Variants in ZFR observed in about 807,000 individuals in gnomAD.
ZFR encodes zinc finger RNA binding protein.
In ZFR, 19 loss-of-function variants were observed where a neutral mutation model predicts 130.7. That is an observed-to-expected ratio of 0.15 (90% confidence interval 0.10 to 0.21). The LOEUF (loss-of-function observed/expected upper bound fraction) is 0.21. ZFR is among the 10% of genes least tolerant of loss of function. The pLI is 1.00. For synonymous variants in ZFR, 466 were observed against 456.9 expected (o/e 1.02, Z -0.25); for missense variants, 872 against 1,321.5 (o/e 0.66, Z 5.27).
At chr5:32,413,092 G>C (rs1365743423) in intron 5 of ZFR, among the ~76,000 whole-genome samples, 1 of 152,146 alleles carries the variant, frequency 6.6e-6, no homozygotes, top group East Asian at 1.9e-4. Context: ...GGGAGGCTGA[G>C]GCAGGAGAAT....
At chr5:32,407,588 T>C (rs1190344188) in intron 5 of ZFR, among the ~76,000 whole-genome samples, 4 of 152,012 alleles carry the variant, frequency 2.6e-5, no homozygotes, top group Non-Finnish European at 5.9e-5. Flanking sequence ...TGACAGATGC[T>C]AGTCTGGGGA....
intron 19 of ZFR, among the ~76,000 whole-genome samples, chr5:32,362,370 A>AT (rs1752452957): frequency 6.6e-6 from 1 of 152,220 alleles, no homozygotes; most frequent in Non-Finnish European, 1.5e-5. Context: ...GAATAAAGGT[A>AT]GACACTGTGG....
intron 19 of ZFR, among the ~76,000 whole-genome samples, chr5:32,362,748 G>A (rs983973055): frequency 9.2e-5 from 14 of 152,108 alleles, no homozygotes; most frequent in South Asian, 2.1e-4. Flanking sequence ...TGTGTAACTC[G>A]TTCACTTTTA....
chr5:32,383,842 A>G (rs1752982993), intron 15 of ZFR: 1 of 456,236 alleles, frequency 2.2e-6, no homozygotes, highest in Non-Finnish European at 4.4e-6. Context: ...AGCAAGGAAC[A>G]CTATCAGTGT....
In ZFR at chr5:32,355,565, ATT is replaced by A. The variant is rs377173878; in HGVS notation, c.*193_*194del. 2.9e-4 allele frequency: 104 copies of A among 357,146 alleles called. No individual in the cohort carries two copies. The highest frequency in any genetic ancestry group is 4.3e-4 in the African/African-American group (20 of 46,088). 22.1% of individuals were successfully genotyped at this position (357,146 alleles called of 1,614,324 possible). On this transcript the variant is annotated 3_prime_UTR_variant, in exon 20 of 20. Coordinates refer to ENST00000265069, the MANE Select transcript of ZFR (RefSeq NM_016107.5). ...ACTGTTTTCCCCCTAGTCGGAGCAC[ATT>A]TTTTTTTTTGGGTGTCTTTCCATTC...
At chr5:32,395,898 A>G (rs1753295328) in intron 10 of ZFR, among the ~76,000 whole-genome samples, 1 of 152,224 alleles carries the variant, frequency 6.6e-6, no homozygotes, top group African/African-American at 2.4e-5. Flanking sequence ...TTATGTTATC[A>G]GTAAGGCTTC....
At chr5:32,432,992 A>G (rs897866589) in intron 2 of ZFR, among the ~76,000 whole-genome samples, 2 of 151,864 alleles carry the variant, frequency 1.3e-5, no homozygotes, top group African/African-American at 4.8e-5. Flanking sequence ...TCAGCCTCCC[A>G]AAGTGCAGGG....
At chr5:32,388,814 A>C in intron 12 of ZFR, 140 bp from the exon 13 acceptor site, 6 of 800,110 alleles carry the variant, frequency 7.5e-6, no homozygotes, top group Non-Finnish European at 1.2e-5. Context: ...TAAAAACGAA[A>C]ATGCAAACTA....
intron 5 of ZFR, among the ~76,000 whole-genome samples, chr5:32,413,602 T>C (rs1334666780): frequency 6.6e-6 from 1 of 152,070 alleles, no homozygotes; most frequent in Non-Finnish European, 1.5e-5. Flanking sequence ...AGGAAGCACA[T>C]ATAAGAGAGA....
intron 17 of ZFR, among the ~76,000 whole-genome samples, chr5:32,366,370 T>C (rs1185316137): frequency 6.6e-6 from 1 of 152,234 alleles, no homozygotes. Context: ...GACATAAAAA[T>C]GTGTTTCAAG....
At chr5:32,392,192 C>T (rs920867204) in intron 11 of ZFR, among the ~76,000 whole-genome samples, 4 of 152,194 alleles carry the variant, frequency 2.6e-5, no homozygotes, top group African/African-American at 4.8e-5. Flanking sequence ...TTGCTAACAA[C>T]GTTTAAGTCA....
chr5:32,434,319 A>AT (rs1754286457), intron 2 of ZFR, among the ~76,000 whole-genome samples: 4 of 152,206 alleles, frequency 2.6e-5, no homozygotes, highest in Non-Finnish European at 4.4e-5. Flanking sequence ...ATACAATTTC[A>AT]ACATTATCAT....
intron 2 of ZFR, among the ~76,000 whole-genome samples, chr5:32,428,230 A>G (rs1175874863): frequency 6.6e-6 from 1 of 152,178 alleles, no homozygotes; most frequent in Non-Finnish European, 1.5e-5. Flanking sequence ...TCTGGCCAAC[A>G]TGGTGAAACC....
chr5:32,357,796 TA>T (rs1404377334), intron 19 of ZFR, among the ~76,000 whole-genome samples: 1 of 152,238 alleles, frequency 6.6e-6, no homozygotes, highest in Non-Finnish European at 1.5e-5. Flanking sequence ...ATGTATAGCT[TA>T]ATTTTTTCCT....
chr5:32,390,880 T>C (rs1581692479), intron 11 of ZFR, among the ~76,000 whole-genome samples: 1 of 152,176 alleles, frequency 6.6e-6, no homozygotes, highest in East Asian at 1.9e-4. Flanking sequence ...AAATGGCAAG[T>C]CATAGTCAGT....
chr5:32,433,018 C>A (rs1436396507), intron 2 of ZFR, among the ~76,000 whole-genome samples: 2 of 152,116 alleles, frequency 1.3e-5, no homozygotes, highest in African/African-American at 4.8e-5. Context: ...AGACATGAAC[C>A]ACTGTGCCCT....
At chr5:32,367,556 A>G (rs1487375680) in intron 17 of ZFR, among the ~76,000 whole-genome samples, 5 of 152,162 alleles carry the variant, frequency 3.3e-5, no homozygotes, top group African/African-American at 1.2e-4. Flanking sequence ...AGCTGGCACT[A>G]CAGAACCCAC....
rs1259966938 is a variant in ZFR at position 32,404,033 on chromosome 5, T to A, written c.1097A>T (p.Gln366Leu). 6.2e-7 allele frequency: 1 copy of A among 1,614,026 alleles called. No homozygotes were observed. Among genetic ancestry groups the A allele is most frequent in the African/African-American group, 1.3e-5 (1 of 74,936 alleles). Residue 366 changes from glutamine to leucine, a missense_variant, in exon 7 of 20, where the codon CAA (glutamine) becomes CTA (leucine). Physicochemically the swap from Gln to Leu is moderately radical, Grantham distance 113 (BLOSUM62 -2). Transcript: ENST00000265069. ...AGAACTGTTGCTGCTGCTGGTATTT[T>A]GTGAGGCTTTCAATGCAGCTTCTTT... ...KKKEAALKAS[Q>L]NTSSSNSSTR...
intron 2 of ZFR, among the ~76,000 whole-genome samples, chr5:32,425,559 ACT>A (rs1161593202): frequency 6.6e-6 from 1 of 152,106 alleles, no homozygotes; most frequent in Non-Finnish European, 1.5e-5. Context: ...TCGGAGTCTC[ACT>A]CTGTTGCCCA....
Sources: gnomAD v4.1 joint callset for allele counts (sites outside exome capture counted in the v4.1 genomes callset) on GRCh38, gnomAD v4.1.1 for gene constraint, MANE v1.5 for transcripts, NCBI Gene and HGNC (gene_info 2026-07-23, HGNC 2026-07-21) for gene names.